Variants in MTF2 observed in about 807,000 individuals in gnomAD.
MTF2 encodes the protein metal response element binding transcription factor 2, also known as metal-response element-binding transcription factor 2.
In MTF2, 11 loss-of-function variants were observed where a neutral mutation model predicts 79.5. That is an observed-to-expected ratio of 0.14 (90% confidence interval 0.09 to 0.23). The LOEUF is 0.23. Ranked by LOEUF, MTF2 falls within the 10% of genes least tolerant of loss-of-function variation. MTF2 has a pLI of 1.00. For synonymous variants in MTF2, 208 were observed against 232.8 expected (o/e 0.89, Z 0.97); for missense variants, 486 against 711.2 (o/e 0.68, Z 3.60).
chr1:93,123,893 C>T (rs1656590277), intron 9 of MTF2, among the ~76,000 whole-genome samples: 1 of 150,998 alleles, frequency 6.6e-6, no homozygotes. Flanking sequence ...TTATCAACAT[C>T]CCTCCACCAT....
At chr1:93,107,349 C>T (rs996280718) in intron 1 of MTF2, among the ~76,000 whole-genome samples, 7 of 152,000 alleles carry the variant, frequency 4.6e-5, no homozygotes, top group African/African-American at 9.7e-5. Context: ...CTCAGCCTCC[C>T]GAGTAGCTGG....
intron 1 of MTF2, among the ~76,000 whole-genome samples, chr1:93,082,713 A>G (rs567645841): frequency 2.0e-5 from 3 of 152,340 alleles, no homozygotes; most frequent in Admixed American, 2.0e-4. Context: ...TTATATGTAC[A>G]TAATTCACAT....
chr1:93,112,375 T>G (rs1656064786), intron 3 of MTF2, among the ~76,000 whole-genome samples: 1 of 87,664 alleles, frequency 1.1e-5, no homozygotes, highest in Admixed American at 1.5e-4. Context: ...ATGAGTTTCT[T>G]TTAAAAATTT....
intron 1 of MTF2, among the ~76,000 whole-genome samples, chr1:93,080,731 A>G (rs1340599085): frequency 6.7e-6 from 1 of 150,012 alleles, no homozygotes; most frequent in Non-Finnish European, 1.5e-5. Flanking sequence ...AGCTGGTTTC[A>G]ATTTCCATGG....
chr1:93,133,192 A>G (rs1277609317), intron 11 of MTF2, among the ~76,000 whole-genome samples: 2 of 152,086 alleles, frequency 1.3e-5, no homozygotes, highest in Non-Finnish European at 1.5e-5. Context: ...TGATAGTGTC[A>G]TTCAAGAATC....
intron 3 of MTF2, among the ~76,000 whole-genome samples, chr1:93,113,877 A>G (rs1040221699): frequency 6.6e-6 from 1 of 152,260 alleles, no homozygotes; most frequent in South Asian, 2.1e-4. Flanking sequence ...CAAAATTATA[A>G]GTTTTTATTG....
In MTF2 at chr1:93,080,829, A is replaced by G. The variant is rs139902674; in HGVS notation, c.5+1298A>G. ...GTATGTAGAAGTAGTTAATGTGGAT[A>G]AAATGTAATTAAATTCACAATAACC... On this transcript the variant is annotated intron_variant, in intron 1 of 14. Coordinates refer to ENST00000370298, the MANE Select transcript of MTF2 (RefSeq NM_007358.4). 5.7e-3 allele frequency: 862 copies of G among 151,842 alleles called. 11 individuals are homozygous for G. The highest frequency in any genetic ancestry group is 0.02 in the African/African-American group (832 of 41,372). The allele number at this position is 151,842 out of a possible 1,614,324, so 9.4% of individuals were successfully genotyped here. A position where few individuals can be genotyped will look rare whatever the true frequency, so the allele number is the denominator to read the frequency against.
At chr1:93,089,655 A>T (rs1357905568) in intron 1 of MTF2, among the ~76,000 whole-genome samples, 1 of 152,096 alleles carries the variant, frequency 6.6e-6, no homozygotes, top group Non-Finnish European at 1.5e-5. Flanking sequence ...TGGGCCCAGG[A>T]TATCTTCACA....
At chr1:93,101,896 G>A (rs1277894591) in intron 1 of MTF2, among the ~76,000 whole-genome samples, 2 of 151,998 alleles carry the variant, frequency 1.3e-5, no homozygotes, top group South Asian at 2.1e-4. Context: ...CCAATTTTCA[G>A]TGTACAGTTC....
intron 9 of MTF2, chr1:93,121,822 G>A (rs1213767138): frequency 3.2e-5 from 23 of 729,444 alleles, no homozygotes; most frequent in Non-Finnish European, 3.8e-5. Flanking sequence ...TTTTTTTGGA[G>A]ACGGAGTCTT....
chr1:93,093,618 A>G lies in MTF2; in HGVS notation c.5+14087A>G, dbSNP rs140826438. ...CTCTGTTTAGTTTTATTAAGCTCAA[A>G]TAAAGTGTGCTTGGGGGATAAATCT... On this transcript the variant is annotated intron_variant, in intron 1 of 14. Transcript: ENST00000370298. 5.9e-3 allele frequency among the ~76,000 whole-genome samples: 903 copies of G among 152,322 alleles called. 12 individuals carry two copies. Among genetic ancestry groups the G allele is most frequent in the African/African-American group, 0.021 (868 of 41,574 alleles).
At chr1:93,110,145 C>G (rs1194091490) in intron 1 of MTF2, 85 bp from the exon 2 acceptor site, 2 of 1,298,284 alleles carry the variant, frequency 1.5e-6, no homozygotes, top group African/African-American at 3.0e-5. Context: ...AAATTTAAAA[C>G]TTTGATTAAC....
At chr1:93,086,168 A>C (rs538454771) in intron 1 of MTF2, among the ~76,000 whole-genome samples, 25 of 152,162 alleles carry the variant, frequency 1.6e-4, no homozygotes, top group Non-Finnish European at 3.4e-4. Context: ...TTTACTGTGT[A>C]GCACATGACT....
intron 10 of MTF2, among the ~76,000 whole-genome samples, chr1:93,127,805 C>A (rs189203317): frequency 1.1e-5 from 1 of 93,366 alleles, no homozygotes; most frequent in Non-Finnish European, 2.1e-5. Flanking sequence ...TACAGGTCTT[C>A]CCCCTACCTT....
intron 1 of MTF2, among the ~76,000 whole-genome samples, chr1:93,082,913 A>G (rs572283279): frequency 6.6e-6 from 1 of 152,322 alleles, no homozygotes; most frequent in East Asian, 1.9e-4. Flanking sequence ...TTCTGTGTCT[A>G]TAAATTTGCC....
At chr1:93,103,151 A>G (rs1479165253) in intron 1 of MTF2, among the ~76,000 whole-genome samples, 5 of 151,862 alleles carry the variant, frequency 3.3e-5, no homozygotes, top group African/African-American at 1.2e-4. Context: ...GGAAATTATA[A>G]TTGAAACTGG....
In MTF2 at chr1:93,115,068, GT is replaced by G; in HGVS notation, c.468del (p.Phe156LeufsTer23). The G allele has an allele frequency of 1.9e-6, 3 of 1,607,870 alleles. No individual in the cohort carries two copies. Among genetic ancestry groups the G allele is most frequent in the Non-Finnish European group, 2.6e-6 (3 of 1,174,942 alleles). The part of the protein sequence containing the change: ...SDEKWLCRQC[V>X]FATTTKRGGA... ...TGAAAAATGGCTCTGTCGGCAGTGT[GT>G]TTTTGCAACAACAACAAAGGTATAT... On this transcript the variant is annotated frameshift_variant, in exon 5 of 15. Transcript: ENST00000370298. LOFTEE classifies it high-confidence loss of function.
intron 12 of MTF2, 47 bp downstream of exon 12, chr1:93,133,855 A>G (rs778532922): frequency 1.3e-6 from 2 of 1,536,364 alleles, no homozygotes; most frequent in Middle Eastern, 1.7e-4. Context: ...GGATGCATGA[A>G]ATAACTGAGA....
chr1:93,110,615 A>G lies in MTF2; in HGVS notation c.275A>G (p.Asp92Gly). ...TCTAAATCCTGGGTTCTCTGGAAGGACATTCAAACAGGCAGGTGCTACTAT... is the reference window on the plus strand; with the variant it reads ...TCTAAATCCTGGGTTCTCTGGAAGGGCATTCAAACAGGCAGGTGCTACTAT... ...DSSKSWVLWK[D>G]IQTGATGSGE... Residue 92 changes from aspartate (D) to glycine (G), a missense_variant, in exon 3 of 15, where the codon GAC becomes GGC. Around this residue, in one of 4 missense-constraint regions of MTF2, gnomAD observed 177 missense variants for 364.0 expected, o/e 0.49. Transcript: ENST00000370298. The G allele has an allele frequency of 6.2e-7, 1 of 1,611,174 alleles. No individual in the cohort carries two copies. The highest frequency in any genetic ancestry group is 8.5e-7 in the Non-Finnish European group (1 of 1,177,678).
Sources: allele counts gnomAD v4.1 joint callset (sites outside exome capture counted in the v4.1 genomes callset), GRCh38; gene constraint gnomAD v4.1.1; regional missense constraint gnomAD v4.1.1; transcripts MANE v1.5; gene names NCBI Gene and HGNC (gene_info 2026-07-23, HGNC 2026-07-21).